The following ELK4 variants were observed in gnomAD, a reference collection of about 807,000 sequenced individuals.
ELK4 encodes the protein ETS domain-containing protein Elk-4.
In ELK4, 16 loss-of-function variants were observed where a neutral mutation model predicts 29.6. The observed-to-expected ratio is 0.54, with a 90% CI of 0.37 to 0.82. The LOEUF is 0.82. Among genes scored for constraint, ELK4 ranks in the 40% least tolerant of loss-of-function variants. The pLI is 0.00. For synonymous variants in ELK4, 213 were observed against 191.1 expected (o/e 1.11, Z -0.95); for missense variants, 465 against 507.1 (o/e 0.92, Z 0.80).
rs927315060 is a variant in ELK4, at chr1:205,614,694, T to A, written c.*1852A>T. ...TTCTTATACAAGAGCTTCTCTACAC[T>A]GTATATAAGCACATTTAAAGTAAAT... is the stretch of plus-strand genomic sequence containing the variant. On this transcript the variant is annotated 3_prime_UTR_variant, in exon 5 of 5. Coordinates refer to ENST00000357992, the MANE Select transcript of ELK4 (RefSeq NM_001973.4). 4.5e-6 allele frequency: 1 copy of A among 223,948 alleles called. No homozygotes were observed. Among genetic ancestry groups the A allele is most frequent in the Non-Finnish European group, 8.9e-6 (1 of 112,326 alleles). 13.9% of individuals were successfully genotyped at this position (223,948 alleles called of 1,614,324 possible).
intron 1 of ELK4, among the ~76,000 whole-genome samples, chr1:205,628,994 A>G (rs373642637): frequency 6.6e-6 from 1 of 152,122 alleles, no homozygotes; most frequent in African/African-American, 2.4e-5. Flanking sequence ...TAACAAGGTG[A>G]AACCCCCGTG....
In ELK4 at chr1:205,620,709, C is replaced by A; in HGVS notation, c.337G>T (p.Val113Phe). 6.2e-7 allele frequency: 1 copy of A among 1,614,160 alleles called. No individual in the cohort carries two copies. The highest frequency in any genetic ancestry group is 1.3e-5 in the African/African-American group (1 of 75,032). The change falls in exon 3 of 5, where the codon GTC (valine) becomes TTC (phenylalanine). Residue 113 changes from valine (V) to phenylalanine (F), a missense_variant. Coordinates refer to ENST00000357992, the MANE Select transcript of ELK4 (RefSeq NM_001973.4). Reference protein sequence around the residue: ...GDCESLNFSEVSSSSKDVENG... With the variant: ...GDCESLNFSEFSSSSKDVENG... ...TCCACATCTTTGGAACTGCTGCTGA[C>A]TTCACTGAAGTTTAAACTTTCACAG... is the stretch of plus-strand genomic sequence containing the variant.
intron 2 of ELK4, 138 bp downstream of exon 2, chr1:205,623,538 C>T: frequency 1.1e-6 from 1 of 889,918 alleles, no homozygotes; most frequent in Non-Finnish European, 1.8e-6. Flanking sequence ...TGGTCTTGAA[C>T]TCCTGACCTC....
Position 205,623,794 on chromosome 1 carries a change from T to C in ELK4, c.89A>G (p.Asp30Gly), listed in dbSNP as rs1205601092. 6.2e-7 allele frequency: 1 copy of C among 1,614,128 alleles called. No homozygotes were observed. Among genetic ancestry groups the C allele is most frequent in the Admixed American group, 1.7e-5 (1 of 60,020 alleles). ...TGCCTGCAAAAGCTTAAACTGCCCA[T>C]CATTAGAGGTCCAACAGATCATGTG... The part of the protein sequence containing the change: ...NKHMICWTSN[D>G]GQFKLLQAEE... The change falls in exon 2 of 5, where the codon GAT (aspartate) becomes GGT (glycine). Residue 30 changes from aspartate to glycine, a missense_variant. By Grantham distance (94) the Asp-to-Gly change is moderately conservative (BLOSUM62 -1). Coordinates refer to ENST00000357992, the MANE Select transcript of ELK4 (RefSeq NM_001973.4).
Position 205,614,027 on chromosome 1 carries a change from T to G in ELK4, c.*2519A>C, listed in dbSNP as rs1670192854. Reference sequence around the variant, plus strand: ...AACTGTCTGCCTCATACACCTGCAGTAAGGTTGTAAACTTTGACTTAAAAA... The same window carrying G: ...AACTGTCTGCCTCATACACCTGCAGGAAGGTTGTAAACTTTGACTTAAAAA... On this transcript the variant is annotated 3_prime_UTR_variant, in exon 5 of 5. Transcript: ENST00000357992. The G allele has an allele frequency of 1.3e-5, 3 of 225,000 alleles. No individual in the cohort carries two copies. Among genetic ancestry groups the G allele is most frequent in the African/African-American group, 2.2e-5 (1 of 44,898 alleles). The allele number at this position is 225,000 out of a possible 1,614,324, so 13.9% of individuals were successfully genotyped here.
chr1:205,625,182 C>T (rs1670428816), intron 1 of ELK4, among the ~76,000 whole-genome samples: 1 of 152,074 alleles, frequency 6.6e-6, no homozygotes, highest in African/African-American at 2.4e-5. Context: ...AATTGTTGTG[C>T]TGCAAATAAT....
chr1:205,613,214 T>C lies in ELK4; in HGVS notation c.*3332A>G. ...AGCCAGGTGTGGTGGTGCATGCCTG[T>C]AGCCCAGCTATGCAGGAGGCTGAGG... On this transcript the variant is annotated 3_prime_UTR_variant, in exon 5 of 5. Transcript: ENST00000357992. The C allele has an allele frequency of 5.0e-6, 1 of 198,194 alleles. No homozygotes were observed. Among genetic ancestry groups the C allele is most frequent in the Non-Finnish European group, 1.0e-5 (1 of 95,578 alleles). 12.3% of individuals were successfully genotyped at this position (198,194 alleles called of 1,614,324 possible).
intron 2 of ELK4, among the ~76,000 whole-genome samples, chr1:205,623,157 C>CAAA (rs547986684): frequency 9.1e-5 from 7 of 76,772 alleles, no homozygotes; most frequent in African/African-American, 1.8e-4. Flanking sequence ...GACTCCGTCT[C>CAAA]AAAAAAAAAA....
chr1:205,612,664 T>C lies in ELK4; in HGVS notation c.*3882A>G, dbSNP rs1670169632. ...CACCAAAAACATAAAAGGACACCTTTAAGAACTTAAGAATCATAGTAGAAA... is the reference window on the plus strand; with the variant it reads ...CACCAAAAACATAAAAGGACACCTTCAAGAACTTAAGAATCATAGTAGAAA... On this transcript the variant is annotated 3_prime_UTR_variant, in exon 5 of 5. Coordinates refer to ENST00000357992, the MANE Select transcript of ELK4 (RefSeq NM_001973.4). The C allele has an allele frequency of 4.8e-6, 1 of 208,116 alleles. No homozygotes were observed. The highest frequency in any genetic ancestry group is 1.9e-4 in the South Asian group (1 of 5,322). 12.9% of individuals were successfully genotyped at this position (208,116 alleles called of 1,614,324 possible).
In ELK4 at chr1:205,631,695, A is replaced by C; in HGVS notation, c.-73T>G. The C allele has an allele frequency of 2.9e-6, 1 of 342,422 alleles. No individual in the cohort carries two copies. Among genetic ancestry groups the C allele is most frequent in the South Asian group, 1.9e-5 (1 of 51,332 alleles). The allele number at this position is 342,422 out of a possible 1,614,324, so 21.2% of individuals were successfully genotyped here. A position where few individuals can be genotyped will look rare whatever the true frequency, so the allele number is the denominator to read the frequency against. ...GAACACGATGCGCCTCTCCGCCCTC[A>C]GCCTCCTCCTCACGCTGGAAACTCG... is the stretch of plus-strand genomic sequence containing the variant. On this transcript the variant is annotated 5_prime_UTR_variant, in exon 1 of 5. Coordinates refer to ENST00000357992, the MANE Select transcript of ELK4 (RefSeq NM_001973.4).
intron 1 of ELK4, chr1:205,625,562 G>T: frequency 1.1e-6 from 1 of 875,078 alleles, no homozygotes; most frequent in Admixed American, 1.7e-5. Flanking sequence ...AGAAATACCC[G>T]GACCGGGTGC....
intron 1 of ELK4, among the ~76,000 whole-genome samples, chr1:205,631,033 C>A (rs1006732659): frequency 6.6e-6 from 1 of 152,244 alleles, no homozygotes; most frequent in African/African-American, 2.4e-5. Flanking sequence ...CCTTCCAAGG[C>A]CAGTTACTAT....
At position 205,615,650 on chromosome 1, in the gene ELK4, T is replaced by A. The variant is rs1670221067; in HGVS notation, c.*896A>T. ...TTTCAAGTTATCTGATCGAATCTTTTACTCAGAGATGTTTCAAATATTCAA... is the reference window on the plus strand; with the variant it reads ...TTTCAAGTTATCTGATCGAATCTTTAACTCAGAGATGTTTCAAATATTCAA... On this transcript the variant is annotated 3_prime_UTR_variant, in exon 5 of 5. Coordinates refer to ENST00000357992, the MANE Select transcript of ELK4 (RefSeq NM_001973.4). 9.8e-6 allele frequency: 2 copies of A among 204,908 alleles called. No homozygotes were observed. Among genetic ancestry groups the A allele is most frequent in the Non-Finnish European group, 2.0e-5 (2 of 100,118 alleles). The allele number at this position is 204,908 out of a possible 1,614,324, so 12.7% of individuals were successfully genotyped here. A position where few individuals can be genotyped will look rare whatever the true frequency, so the allele number is the denominator to read the frequency against.
At chr1:205,631,205 A>G (rs565121987) in intron 1 of ELK4, among the ~76,000 whole-genome samples, 23 of 152,290 alleles carry the variant, frequency 1.5e-4, no homozygotes, top group African/African-American at 5.3e-4. Context: ...GCTAGGGGAG[A>G]GGAAGAAACG....
intron 1 of ELK4, among the ~76,000 whole-genome samples, chr1:205,631,339 G>A (rs1670581452): frequency 6.6e-6 from 1 of 152,174 alleles, no homozygotes; most frequent in South Asian, 2.1e-4. Context: ...TACAGAAAAT[G>A]AGAATTGCTC....
At chr1:205,617,656 C>T (rs1164397099) in intron 4 of ELK4, among the ~76,000 whole-genome samples, 1 of 151,402 alleles carries the variant, frequency 6.6e-6, no homozygotes. Flanking sequence ...AATCCCAGCA[C>T]TTCGGGAGGC....
rs1434716087 is a variant in ELK4, at chr1:205,612,362, G to A, written c.*4184C>T. The A allele has an allele frequency of 4.6e-6, 1 of 216,128 alleles. No individual in the cohort carries two copies. The highest frequency in any genetic ancestry group is 2.3e-5 in the African/African-American group (1 of 44,334). 13.4% of individuals were successfully genotyped at this position (216,128 alleles called of 1,614,324 possible). ...GGTGCACAAGACAACCAACTGGGGT[G>A]TGGGAAGAAAATACTATAACTGCTA... On this transcript the variant is annotated 3_prime_UTR_variant, in exon 5 of 5. Transcript: ENST00000357992.
chr1:205,610,256 T>C lies in ELK4; in HGVS notation c.*6290A>G, dbSNP rs111439314. On this transcript the variant is annotated 3_prime_UTR_variant, in exon 5 of 5. Coordinates refer to ENST00000357992, the MANE Select transcript of ELK4 (RefSeq NM_001973.4). ...GGAAAAGAACCAGAAGGAGCCTTTATGAGATGGGAAACAAGGCAAAGTTGA... is the reference window on the plus strand; with the variant it reads ...GGAAAAGAACCAGAAGGAGCCTTTACGAGATGGGAAACAAGGCAAAGTTGA... 471 of 231,666 alleles carry C rather than the reference T, an allele frequency of 2.0e-3. 1 individual carries two copies. The highest frequency in any genetic ancestry group is 9.9e-3 in the African/African-American group (447 of 45,356). The allele number at this position is 231,666 out of a possible 1,614,324, so 14.4% of individuals were successfully genotyped here.
rs781197440 is a variant in ELK4, at chr1:205,620,007, A to G, written c.1039T>C (p.Ser347Pro). 1.9e-6 allele frequency: 3 copies of G among 1,614,100 alleles called. No individual in the cohort carries two copies. The highest frequency in any genetic ancestry group is 2.7e-5 in the African/African-American group (2 of 74,932). ...GGTGTAAGAGAAGCTGTAGGGAGAG[A>G]TGGGCTCAGTATTCCCAGTGGGCTT... ...DPSPLGILSP[S>P]LPTASLTPAF... The change falls in exon 3 of 5, where the codon TCT (serine) becomes CCT (proline). Residue 347 changes from serine (S) to proline (P), a missense_variant. Physicochemically the swap from Ser to Pro is moderately conservative, Grantham distance 74. This residue lies in a region of ELK4 where 80 missense variants were observed against 119.6 expected (regional missense o/e 0.67). Transcript: ENST00000357992.
Sources: allele counts gnomAD v4.1 joint callset (sites outside exome capture counted in the v4.1 genomes callset), GRCh38; gene constraint gnomAD v4.1.1; regional missense constraint gnomAD v4.1.1; transcripts MANE v1.5; gene names NCBI Gene and HGNC (gene_info 2026-07-23, HGNC 2026-07-21).